Variants in TAFA2 observed in about 807,000 individuals in gnomAD.
The protein encoded by TAFA2 is TAFA chemokine like family member 2.
In TAFA2, 7 loss-of-function variants were observed where a neutral mutation model predicts 18.8. That is an observed-to-expected ratio of 0.37 (90% CI 0.21 to 0.70). TAFA2 has a LOEUF of 0.70. Among genes scored for constraint, TAFA2 ranks in the 30% least tolerant of loss-of-function variants. The pLI is 0.53. For missense variants in TAFA2, 122 were observed against 158.1 expected (o/e 0.77, Z 1.23); for synonymous variants, 60 against 54.2 (o/e 1.11, Z -0.47).
chr12:62,059,623 A>C (rs1882292014), intron 1 of TAFA2, among the ~76,000 whole-genome samples: 1 of 152,176 alleles, frequency 6.6e-6, no homozygotes, highest in South Asian at 2.1e-4. Flanking sequence ...AATCTGAAAG[A>C]AATGAAGGAG....
intron 1 of TAFA2, among the ~76,000 whole-genome samples, chr12:61,997,564 G>A (rs1010641607): frequency 6.6e-6 from 1 of 152,120 alleles, no homozygotes; most frequent in Non-Finnish European, 1.5e-5. Flanking sequence ...TTAAGAAAAG[G>A]GGAGGTGGTG....
At chr12:61,880,738 T>C (rs567414073) in intron 1 of TAFA2, 75 of 375,720 alleles carry the variant, frequency 2.0e-4, no homozygotes, top group Non-Finnish European at 2.7e-4. Context: ...GATGGGAAGC[T>C]TGTGTCTGAG....
intron 4 of TAFA2, among the ~76,000 whole-genome samples, chr12:61,734,915 G>T (rs1276534653): frequency 6.6e-6 from 1 of 151,818 alleles, no homozygotes; most frequent in Non-Finnish European, 1.5e-5. Flanking sequence ...TTTATGAGTT[G>T]ACAACCTCTT....
intron 4 of TAFA2, among the ~76,000 whole-genome samples, chr12:61,718,655 T>C (rs900232427): frequency 1.3e-5 from 2 of 152,228 alleles, no homozygotes; most frequent in Non-Finnish European, 2.9e-5. Flanking sequence ...TATGCCAGCA[T>C]AGTTCATACA....
chr12:61,929,512 C>T (rs573361994), intron 1 of TAFA2, among the ~76,000 whole-genome samples: 1 of 152,144 alleles, frequency 6.6e-6, no homozygotes, highest in Non-Finnish European at 1.5e-5. Flanking sequence ...ACAACAGGTG[C>T]TGGAGAGGAT....
intron 1 of TAFA2, among the ~76,000 whole-genome samples, chr12:62,070,879 T>C (rs991378359): frequency 6.6e-6 from 1 of 152,182 alleles, no homozygotes; most frequent in African/African-American, 2.4e-5. Flanking sequence ...AACATGAATG[T>C]TTCAGCTGCA....
intron 1 of TAFA2, among the ~76,000 whole-genome samples, chr12:62,066,897 T>C (rs1328507450): frequency 6.6e-6 from 1 of 152,094 alleles, no homozygotes; most frequent in Non-Finnish European, 1.5e-5. Flanking sequence ...CAACCTGCTC[T>C]CTATAGTGGT....
Position 61,969,980 on chromosome 12 carries a change from G to A in TAFA2, c.-1-102554C>T, listed in dbSNP as rs76967735. On this transcript the variant is annotated intron_variant, in intron 1 of 4. Transcript: ENST00000416284. ...AGAGAAAGGATGAGAAAGGAAATAC[G>A]GTTGGACTATTAAGGAGCTTGACAG... is the stretch of plus-strand genomic sequence containing the variant. 1.3e-3 allele frequency among the ~76,000 whole-genome samples: 191 copies of A among 151,596 alleles called. 1 individual carries two copies. The highest frequency in any genetic ancestry group is 4.3e-3 in the African/African-American group (178 of 41,450).
intron 1 of TAFA2, among the ~76,000 whole-genome samples, chr12:62,023,435 A>T (rs1056630975): frequency 1.3e-5 from 2 of 152,090 alleles, no homozygotes; most frequent in Non-Finnish European, 2.9e-5. Flanking sequence ...TCTAGGATAT[A>T]GGATATACTA....
At chr12:62,131,382 C>T (rs527412206) in intron 1 of TAFA2, among the ~76,000 whole-genome samples, 88 of 152,120 alleles carry the variant, frequency 5.8e-4, no homozygotes, top group African/African-American at 2.1e-3. Context: ...GGGCTGGATG[C>T]CGGGGCAGCG....
In TAFA2 at chr12:62,165,394, C is replaced by T. The variant is rs75765648; in HGVS notation, c.-2+25865G>A. 1.6e-3 allele frequency among the ~76,000 whole-genome samples: 237 copies of T among 152,182 alleles called. 1 individual carries two copies. The highest frequency in any genetic ancestry group is 5.5e-3 in the African/African-American group (230 of 41,544). On this transcript the variant is annotated intron_variant, in intron 1 of 4. Coordinates refer to ENST00000416284, the MANE Select transcript of TAFA2 (RefSeq NM_178539.5). Reference sequence around the variant, plus strand: ...CCACTCTTGAATCTCTACACTCATCCTTGAGAGATCCCATATATTCCCAAA... The same window carrying T: ...CCACTCTTGAATCTCTACACTCATCTTTGAGAGATCCCATATATTCCCAAA...
intron 3 of TAFA2, among the ~76,000 whole-genome samples, chr12:61,754,051 C>A (rs1869146695): frequency 6.6e-6 from 1 of 151,866 alleles, no homozygotes; most frequent in Non-Finnish European, 1.5e-5. Context: ...ACAGGATTTT[C>A]ATGTGAAAAT....
chr12:62,015,437 T>G (rs183870623), intron 1 of TAFA2, among the ~76,000 whole-genome samples: 257 of 152,342 alleles, frequency 1.7e-3, no homozygotes, highest in African/African-American at 5.8e-3. Context: ...GAATAAGAGT[T>G]CCTCAATTAG....
intron 1 of TAFA2, among the ~76,000 whole-genome samples, chr12:62,069,780 G>T (rs939995004): frequency 3.3e-5 from 5 of 152,122 alleles, no homozygotes; most frequent in Non-Finnish European, 7.4e-5. Flanking sequence ...TAGTGACCAA[G>T]CACACTGCTT....
intron 2 of TAFA2, among the ~76,000 whole-genome samples, chr12:61,798,769 T>C (rs1180525383): frequency 1.3e-5 from 2 of 152,236 alleles, no homozygotes; most frequent in Admixed American, 6.5e-5. Flanking sequence ...CATACTTACA[T>C]ATTACATTGT....
chr12:62,118,818 T>G (rs2136876238), intron 1 of TAFA2, among the ~76,000 whole-genome samples: 1 of 152,284 alleles, frequency 6.6e-6, no homozygotes, highest in African/African-American at 2.4e-5. Context: ...CTTACTGATT[T>G]GTAGATAATT....
chr12:61,762,931 C>T (rs1170587016), intron 2 of TAFA2, among the ~76,000 whole-genome samples: 9 of 152,048 alleles, frequency 5.9e-5, no homozygotes, highest in Non-Finnish European at 1.2e-4. Flanking sequence ...GCATCACCTA[C>T]ATGCACCAAT....
intron 4 of TAFA2, among the ~76,000 whole-genome samples, chr12:61,739,500 T>C (rs909693881): frequency 4.1e-4 from 62 of 152,238 alleles, no homozygotes; most frequent in African/African-American, 1.4e-3. Flanking sequence ...TTTCATGTTA[T>C]GAATATTTAT....
At chr12:62,134,247 T>A (rs1425397098) in intron 1 of TAFA2, among the ~76,000 whole-genome samples, 1 of 151,962 alleles carries the variant, frequency 6.6e-6, no homozygotes, top group Non-Finnish European at 1.5e-5. Flanking sequence ...GGAGCCCTAA[T>A]ACCCAATATG....
Sources: gnomAD v4.1 joint callset for allele counts (sites outside exome capture counted in the v4.1 genomes callset) on GRCh38, gnomAD v4.1.1 for gene constraint, MANE v1.5 for transcripts, NCBI Gene and HGNC (gene_info 2026-07-23, HGNC 2026-07-21) for gene names.